The following ZFAT variants were observed in gnomAD, a reference collection of about 807,000 sequenced individuals.
ZFAT encodes the protein zinc finger protein ZFAT.
A neutral mutation model predicts 117.7 loss-of-function variants in ZFAT; 64 were observed. The observed-to-expected ratio is 0.54, with a 90% CI of 0.44 to 0.67. ZFAT has a LOEUF of 0.67. Ranked by LOEUF, ZFAT falls within the 30% of genes least tolerant of loss-of-function variation. The pLI, the probability that ZFAT is intolerant of heterozygous loss-of-function variation, is 0.00. For synonymous variants in ZFAT, 679 were observed against 615.0 expected (o/e 1.10, Z -1.54); for missense variants, 1,433 against 1,584.5 (o/e 0.90, Z 1.62).
intron 11 of ZFAT, among the ~76,000 whole-genome samples, chr8:134,563,212 G>A (rs990158170): frequency 1.3e-5 from 2 of 152,190 alleles, no homozygotes; most frequent in Non-Finnish European, 2.9e-5. Flanking sequence ...TGACATATGA[G>A]TCCTACCTAA....
At chr8:134,530,613 T>TG (rs1170691022) in intron 12 of ZFAT, among the ~76,000 whole-genome samples, 3 of 152,284 alleles carry the variant, frequency 2.0e-5, no homozygotes, top group East Asian at 3.9e-4. Context: ...TTGAAGGGAA[T>TG]GGGGGGATAA....
At chr8:134,656,728 A>C (rs1563734349) in intron 2 of ZFAT, among the ~76,000 whole-genome samples, 1 of 152,206 alleles carries the variant, frequency 6.6e-6, no homozygotes, top group Non-Finnish European at 1.5e-5. Context: ...GCAATGGGAC[A>C]CTGACTGCTA....
chr8:134,639,157 G>C (rs1480491781), intron 2 of ZFAT, among the ~76,000 whole-genome samples: 1 of 152,220 alleles, frequency 6.6e-6, no homozygotes, highest in Non-Finnish European at 1.5e-5. Context: ...GGGCAAAGGG[G>C]AGCAGAGATG....
At position 134,628,159 on chromosome 8, in the gene ZFAT, C is replaced by A. The variant is rs190499468; in HGVS notation, c.448+9302G>T. On this transcript the variant is annotated intron_variant, in intron 3 of 15. Coordinates refer to ENST00000377838, the MANE Select transcript of ZFAT (RefSeq NM_020863.4). ...GTTGTGGCATTCCATAGAGAAGGGA[C>A]AGATGACAGGATGGGGCCCCGCTGG... Among the ~76,000 whole-genome samples the A allele has an allele frequency of 1.4e-3, 210 of 152,276 alleles. 1 individual carries two copies. The highest frequency in any genetic ancestry group is 4.6e-3 in the African/African-American group (193 of 41,548).
Position 134,583,819 on chromosome 8 carries a change from G to C in ZFAT, c.2887+13C>G. 1 of 1,612,846 alleles carries C rather than the reference G, an allele frequency of 6.2e-7. No homozygotes were observed. The stretch of plus-strand genomic sequence containing the variant: ...ATTTAGAGGGGAAAGTTCACCTTGG[G>C]CCATTTACTCACCATCTGCAGTGTG... On this transcript the variant is annotated intron_variant, in intron 10 of 15. Transcript: ENST00000377838.
At chr8:134,812,741 ATCAG>A in the ZFAT span, among the ~76,000 whole-genome samples, 7 of 152,302 alleles carry the variant, frequency 4.6e-5, no homozygotes, top group African/African-American at 1.7e-4. Flanking sequence ...GTCTCAATCA[ATCAG>A]TCAATCAATC....
At chr8:134,676,130 A>G (rs931532075) in intron 1 of ZFAT, among the ~76,000 whole-genome samples, 1 of 152,138 alleles carries the variant, frequency 6.6e-6, no homozygotes, top group African/African-American at 2.4e-5. Flanking sequence ...AAATGCCCCA[A>G]TTAAAAGATA....
At chr8:134,644,902 C>T (rs1830792965) in intron 2 of ZFAT, among the ~76,000 whole-genome samples, 1 of 152,080 alleles carries the variant, frequency 6.6e-6, no homozygotes, top group Non-Finnish European at 1.5e-5. Flanking sequence ...CCTATATACA[C>T]AATCACATGC....
intron 1 of ZFAT, among the ~76,000 whole-genome samples, chr8:134,689,715 T>C (rs1260384942): frequency 6.6e-6 from 1 of 152,178 alleles, no homozygotes; most frequent in African/African-American, 2.4e-5. Context: ...TCTTAAAAGG[T>C]ACTAGGCACT....
chr8:134,644,563 CGTACACAACCACATACACAACCCAT>C (rs1830768434), intron 2 of ZFAT, among the ~76,000 whole-genome samples: 2 of 152,152 alleles, frequency 1.3e-5, no homozygotes, highest in South Asian at 4.2e-4. Flanking sequence ...CACTCACACA[CGTACACAACCACATACACAACCCAT>C]GTACACAACC....
intron 10 of ZFAT, among the ~76,000 whole-genome samples, chr8:134,581,983 A>G (rs781380642): frequency 3.9e-5 from 6 of 152,128 alleles, no homozygotes; most frequent in Non-Finnish European, 8.8e-5. Flanking sequence ...AGCAGAAAGA[A>G]AGAAAGAGAA....
the ZFAT span, among the ~76,000 whole-genome samples, chr8:134,826,780 T>C: frequency 6.6e-6 from 1 of 152,220 alleles, no homozygotes; most frequent in Non-Finnish European, 1.5e-5. Flanking sequence ...ATAACCTTTC[T>C]ATTTAGAGTA....
upstream of ZFAT, among the ~76,000 whole-genome samples, chr8:134,717,621 T>C (rs1412692304): frequency 6.6e-6 from 1 of 150,842 alleles, no homozygotes; most frequent in East Asian, 1.9e-4. Context: ...TAGCTGGGAC[T>C]ACAGGCGCCC....
chr8:134,595,080 C>T (rs1338749060), intron 7 of ZFAT, among the ~76,000 whole-genome samples: 1 of 152,142 alleles, frequency 6.6e-6, no homozygotes, highest in Admixed American at 6.5e-5. Flanking sequence ...CTGAGGAGGT[C>T]ATGAATTATG....
intron 1 of ZFAT, among the ~76,000 whole-genome samples, chr8:134,689,431 A>G (rs1034855738): frequency 6.6e-6 from 1 of 152,232 alleles, no homozygotes; most frequent in African/African-American, 2.4e-5. Flanking sequence ...GAGCGAAGCC[A>G]AGAACCTGCC....
At chr8:134,675,453 C>A (rs201514672) in intron 1 of ZFAT, among the ~76,000 whole-genome samples, 1 of 152,040 alleles carries the variant, frequency 6.6e-6, no homozygotes, top group Non-Finnish European at 1.5e-5. Context: ...TATGGGACTA[C>A]GTGAAAAGAT....
At chr8:134,588,110 G>A in intron 9 of ZFAT, 136 bp downstream of exon 9, 1 of 1,054,332 alleles carries the variant, frequency 9.5e-7, no homozygotes, top group Non-Finnish European at 1.3e-6. Context: ...CTGGTTGATG[G>A]ACACATCTCT....
the ZFAT span, among the ~76,000 whole-genome samples, chr8:134,818,063 TTTG>T: frequency 6.6e-6 from 1 of 152,174 alleles, no homozygotes; most frequent in Non-Finnish European, 1.5e-5. Context: ...GGAGAAAACC[TTTG>T]TTGACCTTGA....
At chr8:134,540,283 G>A (rs1448141565) in intron 11 of ZFAT, among the ~76,000 whole-genome samples, 1 of 152,204 alleles carries the variant, frequency 6.6e-6, no homozygotes, top group Non-Finnish European at 1.5e-5. Context: ...GTGGAGTCTG[G>A]AACTCGATCT....
Sources: allele counts gnomAD v4.1 joint callset (sites outside exome capture counted in the v4.1 genomes callset), GRCh38; gene constraint gnomAD v4.1.1; transcripts MANE v1.5; gene names NCBI Gene and HGNC (gene_info 2026-07-23, HGNC 2026-07-21).